Variants in CELF4 observed in about 807,000 individuals in gnomAD.
The protein encoded by CELF4 is CUGBP Elav-like family member 4.
Under a neutral mutation model 59.9 loss-of-function variants are expected in CELF4, and 18 were observed. That is an observed-to-expected ratio of 0.30 (90% confidence interval 0.21 to 0.45). CELF4 has a LOEUF of 0.45. Among genes scored for constraint, CELF4 ranks in the 20% least tolerant of loss-of-function variants. CELF4 has a pLI of 1.00. For missense variants in CELF4, 456 were observed against 689.0 expected, an observed-to-expected ratio of 0.66 and a Z score of 3.79; for synonymous variants, 261 against 267.1, an observed-to-expected ratio of 0.98 and a Z score of 0.22.
At chr18:37,372,023 A>G (rs1603630137) in intron 2 of CELF4, among the ~76,000 whole-genome samples, 1 of 152,242 alleles carries the variant, frequency 6.6e-6, no homozygotes, top group Admixed American at 6.5e-5. Context: ...CTACTTTTAC[A>G]TTGTTGGTGG....
chr18:37,495,913 G>A (rs1949760541), intron 1 of CELF4, among the ~76,000 whole-genome samples: 1 of 152,144 alleles, frequency 6.6e-6, no homozygotes, highest in Non-Finnish European at 1.5e-5. Context: ...CATGAAAGGA[G>A]AATAGATCAT....
At chr18:37,402,433 C>T (rs903336684) in intron 2 of CELF4, among the ~76,000 whole-genome samples, 1 of 152,062 alleles carries the variant, frequency 6.6e-6, no homozygotes, top group African/African-American at 2.4e-5. Context: ...GTCAGGGGGA[C>T]CCCAGGGAGC....
chr18:37,558,250 G>T (rs1389377321), intron 1 of CELF4, among the ~76,000 whole-genome samples: 2 of 152,024 alleles, frequency 1.3e-5, no homozygotes, highest in East Asian at 3.9e-4. Flanking sequence ...GTTCCTGTGG[G>T]TAGGGCTGTG....
chr18:37,468,501 C>A (rs1251497268), intron 2 of CELF4, among the ~76,000 whole-genome samples: 3 of 152,104 alleles, frequency 2.0e-5, no homozygotes, highest in Admixed American at 6.5e-5. Flanking sequence ...CCTGCCACCT[C>A]AAGCTGGCCA....
chr18:37,421,922 G>A (rs1482344883), intron 2 of CELF4, among the ~76,000 whole-genome samples: 1 of 152,210 alleles, frequency 6.6e-6, no homozygotes, highest in African/African-American at 2.4e-5. Flanking sequence ...TCACCCACGC[G>A]GTGTCTTTTT....
intron 10 of CELF4, among the ~76,000 whole-genome samples, chr18:37,260,546 T>TA (rs2073648914): frequency 6.6e-6 from 1 of 152,200 alleles, no homozygotes; most frequent in African/African-American, 2.4e-5. Context: ...GTGAAGGCTG[T>TA]AAGGCACCAA....
Position 37,550,230 on chromosome 18 carries a change from T to C in CELF4, c.286+15126A>G, listed in dbSNP as rs552618135. Among the ~76,000 whole-genome samples, 18 of 152,288 alleles carry C rather than the reference T, an allele frequency of 1.2e-4. No homozygotes were observed. In the South Asian group the frequency reaches 3.3e-3, roughly 28 times the overall value. On this transcript the variant is annotated intron_variant, in intron 1 of 12. Coordinates refer to ENST00000420428, the MANE Select transcript of CELF4 (RefSeq NM_020180.4). ...CTATTTATGAAGCCAGATGAGGAGC[T>C]ATAGGGCTTGCAGTGGCCCCTGTGT...
intron 2 of CELF4, among the ~76,000 whole-genome samples, chr18:37,472,402 G>T (rs2099835816): frequency 6.6e-6 from 1 of 152,280 alleles, no homozygotes; most frequent in Admixed American, 6.5e-5. Context: ...GGGCAGCCAG[G>T]GGCCGGGGAT....
At chr18:37,494,535 A>C (rs1603642621) in intron 1 of CELF4, among the ~76,000 whole-genome samples, 1 of 152,114 alleles carries the variant, frequency 6.6e-6, no homozygotes, top group Non-Finnish European at 1.5e-5. Context: ...GTGCTCCCTT[A>C]TGTGTGTTTT....
At chr18:37,248,077 C>T (rs571001931) in intron 12 of CELF4, among the ~76,000 whole-genome samples, 38 of 152,140 alleles carry the variant, frequency 2.5e-4, no homozygotes, top group Non-Finnish European at 5.0e-4. Flanking sequence ...GGCAGCAGCT[C>T]GGCCCTCCCA....
At chr18:37,469,561 C>T (rs961180250) in intron 2 of CELF4, among the ~76,000 whole-genome samples, 9 of 152,296 alleles carry the variant, frequency 5.9e-5, no homozygotes, top group East Asian at 1.9e-4. Context: ...TTTAACTAAA[C>T]GCCACAGATA....
At chr18:37,502,850 G>C (rs1179748569) in intron 1 of CELF4, among the ~76,000 whole-genome samples, 1 of 152,196 alleles carries the variant, frequency 6.6e-6, no homozygotes, top group Non-Finnish European at 1.5e-5. Context: ...TCTAGGTAGC[G>C]CTGATTCCCT....
chr18:37,276,384 A>C lies in CELF4; in HGVS notation c.449-1141T>G, dbSNP rs1255172102. On this transcript the variant is annotated intron_variant, in intron 3 of 12. Transcript: ENST00000420428. ...TTCCCCTTGACTGCTCTAACAAATA[A>C]AGAATGGCAGAAGTGATGCCAGGTG... 4 of 152,326 alleles carry C rather than the reference A, an allele frequency of 2.6e-5. No individual in the cohort carries two copies. The East Asian group carries it at 7.7e-4, about 29-fold the overall frequency. 9.4% of individuals were successfully genotyped at this position (152,326 alleles called of 1,614,324 possible). A position where few individuals can be genotyped will look rare whatever the true frequency, so the allele number is the denominator to read the frequency against.
intron 2 of CELF4, among the ~76,000 whole-genome samples, chr18:37,369,974 A>C (rs976804357): frequency 3.3e-5 from 5 of 151,842 alleles, no homozygotes; most frequent in African/African-American, 1.2e-4. Flanking sequence ...GCCCCTCTTC[A>C]CCTCTGCTGA....
At chr18:37,282,978 A>T (rs2094331120) in intron 3 of CELF4, among the ~76,000 whole-genome samples, 1 of 152,126 alleles carries the variant, frequency 6.6e-6, no homozygotes, top group Non-Finnish European at 1.5e-5. Context: ...AAACCAGATC[A>T]AAGGCTGCTG....
intron 3 of CELF4, among the ~76,000 whole-genome samples, chr18:37,306,864 G>A (rs1428765432): frequency 2.6e-5 from 4 of 152,334 alleles, no homozygotes; most frequent in Admixed American, 6.5e-5. Flanking sequence ...AAATGACACC[G>A]CTACAGTGAT....
At chr18:37,315,453 GT>G (rs2096834933) in intron 3 of CELF4, among the ~76,000 whole-genome samples, 1 of 152,080 alleles carries the variant, frequency 6.6e-6, no homozygotes, top group African/African-American at 2.4e-5. Context: ...GTCATTTCGT[GT>G]TGATGAGATA....
chr18:37,298,728 A>C (rs1396253848), intron 3 of CELF4, among the ~76,000 whole-genome samples: 2 of 151,442 alleles, frequency 1.3e-5, no homozygotes, highest in East Asian at 3.9e-4. Flanking sequence ...CTATCTCAAA[A>C]AAAAAAAAAA....
At chr18:37,311,299 G>C (rs1440060023) in intron 3 of CELF4, among the ~76,000 whole-genome samples, 1 of 152,152 alleles carries the variant, frequency 6.6e-6, no homozygotes, top group Non-Finnish European at 1.5e-5. Flanking sequence ...ATGTGTGCCT[G>C]CTCCGCTGGT....
Sources: gnomAD v4.1 joint callset for allele counts (sites outside exome capture counted in the v4.1 genomes callset) on GRCh38, gnomAD v4.1.1 for gene constraint, MANE v1.5 for transcripts, NCBI Gene and HGNC (gene_info 2026-07-23, HGNC 2026-07-21) for gene names.